PEAK1: variants seen among roughly 807,000 people sequenced by gnomAD.
PEAK1 encodes pseudopodium enriched atypical kinase 1.
PEAK1 carries 54 observed loss-of-function variants against 124.7 expected under a neutral mutation model. The ratio of observed to expected loss-of-function variants is 0.43; its 90% CI spans 0.35 to 0.54. PEAK1 has a LOEUF of 0.54. Among genes scored for constraint, PEAK1 ranks in the 20% least tolerant of loss-of-function variants. The pLI is 0.01. For missense variants in PEAK1, 2,046 were observed against 2,134.5 expected (o/e 0.96, Z 0.82); for synonymous variants, 719 against 760.0 (o/e 0.95, Z 0.89).
intron 9 of PEAK1, among the ~76,000 whole-genome samples, chr15:77,119,072 A>G (rs1182989204): frequency 1.2e-5 from 1 of 81,072 alleles, no homozygotes; most frequent in Non-Finnish European, 3.6e-5. Context: ...ATCTTCTTGT[A>G]AAATACACCA....
intron 2 of PEAK1, among the ~76,000 whole-genome samples, chr15:77,360,925 A>C (rs1188028149): frequency 3.9e-5 from 6 of 152,136 alleles, no homozygotes; most frequent in African/African-American, 1.2e-4. Context: ...AACCACTAGA[A>C]GAAGACATAG....
rs1448383173 is a variant in PEAK1, at chr15:77,109,862, T to C, written c.*4294A>G. 2.0e-5 allele frequency: 3 copies of C among 152,220 alleles called. No homozygotes were observed. The highest frequency in any genetic ancestry group is 7.2e-5 in the African/African-American group (3 of 41,446). 9.4% of individuals were successfully genotyped at this position (152,220 alleles called of 1,614,324 possible). A position where few individuals can be genotyped will look rare whatever the true frequency, so the allele number is the denominator to read the frequency against. On this transcript the variant is annotated 3_prime_UTR_variant, in exon 10 of 10. Coordinates refer to ENST00000682557, the MANE Select transcript of PEAK1 (RefSeq NM_001385026.1). ...CCCCTCTCCAAGAATGTTCATACTA[T>C]ATTTACACATCTAGAATCATTTGAA...
At chr15:77,278,920 C>A in intron 5 of PEAK1, 1 of 237,428 alleles carries the variant, frequency 4.2e-6, no homozygotes, top group Non-Finnish European at 8.2e-6. Flanking sequence ...GCAACCTCCG[C>A]CTCCTGGGTT....
intron 2 of PEAK1, among the ~76,000 whole-genome samples, chr15:77,326,411 C>T (rs2153025924): frequency 6.6e-6 from 1 of 152,164 alleles, no homozygotes; most frequent in East Asian, 1.9e-4. Flanking sequence ...TAAAATATCT[C>T]CAAAGAAACA....
chr15:77,237,063 A>G (rs546143842), intron 6 of PEAK1, among the ~76,000 whole-genome samples: 1 of 152,300 alleles, frequency 6.6e-6, no homozygotes, highest in South Asian at 2.1e-4. Flanking sequence ...TGGCTAGAAA[A>G]TAATTTTTTT....
intron 2 of PEAK1, among the ~76,000 whole-genome samples, chr15:77,327,785 G>GA (rs952398423): frequency 2.6e-5 from 4 of 151,328 alleles, no homozygotes; most frequent in Admixed American, 6.6e-5. Flanking sequence ...GTATAAGGGG[G>GA]AAAAAATGCA....
intron 6 of PEAK1, among the ~76,000 whole-genome samples, chr15:77,226,044 G>GATATATATT (rs2059630724): frequency 8.9e-5 from 4 of 44,988 alleles, no homozygotes; most frequent in Admixed American, 5.4e-4. Flanking sequence ...AAAATAAAGG[G>GATATATATT]ATATATATAT....
chr15:77,305,803 T>G (rs2064069143), intron 2 of PEAK1, among the ~76,000 whole-genome samples: 1 of 152,252 alleles, frequency 6.6e-6, no homozygotes. Flanking sequence ...ATACTTTAAA[T>G]CATCTCTGGA....
rs1253984652 is a variant in PEAK1, at chr15:77,162,236, G to C, written c.3138-3540C>G. Among the ~76,000 whole-genome samples, 14 of 152,140 alleles carry C rather than the reference G, an allele frequency of 9.2e-5. No homozygotes were observed. The East Asian group carries it at 2.5e-3, about 27-fold the overall frequency. ...AGGCTGGGTGCGGTGGCTCAAGCCT[G>C]TAATACCAGCACTTTGGGAGGCCGA... On this transcript the variant is annotated intron_variant, in intron 7 of 9. Transcript: ENST00000682557.
intron 1 of PEAK1, among the ~76,000 whole-genome samples, chr15:77,409,953 A>C (rs1283522136): frequency 6.6e-6 from 1 of 152,182 alleles, no homozygotes; most frequent in African/African-American, 2.4e-5. Flanking sequence ...GTAAATTCAA[A>C]TCCAGGCAGT....
chr15:77,232,349 G>A (rs1596754652), intron 6 of PEAK1, among the ~76,000 whole-genome samples: 1 of 151,948 alleles, frequency 6.6e-6, no homozygotes, highest in Non-Finnish European at 1.5e-5. Context: ...TGTGCCAACT[G>A]TGCTCACTTA....
chr15:77,162,389 G>C (rs907015396), intron 7 of PEAK1, among the ~76,000 whole-genome samples: 1 of 151,036 alleles, frequency 6.6e-6, no homozygotes, highest in African/African-American at 2.4e-5. Context: ...AGGTATCGGG[G>C]AGGCCGAGGC....
intron 5 of PEAK1, among the ~76,000 whole-genome samples, chr15:77,271,002 A>C (rs994150003): frequency 6.6e-6 from 1 of 152,170 alleles, no homozygotes; most frequent in African/African-American, 2.4e-5. Context: ...CAACCTACAG[A>C]ATGGGAGAAA....
At chr15:77,216,721 C>T (rs1229352244) in intron 6 of PEAK1, among the ~76,000 whole-genome samples, 1 of 152,114 alleles carries the variant, frequency 6.6e-6, no homozygotes, top group Admixed American at 6.5e-5. Flanking sequence ...TAGCCAATAC[C>T]ATAGACATCT....
intron 9 of PEAK1, among the ~76,000 whole-genome samples, chr15:77,132,618 C>G (rs2052965366): frequency 6.7e-6 from 1 of 150,258 alleles, no homozygotes; most frequent in South Asian, 2.1e-4. Context: ...TTGCTTGAAC[C>G]TGGGAGGCGG....
intron 1 of PEAK1, among the ~76,000 whole-genome samples, chr15:77,411,401 T>C (rs1567369978): frequency 6.6e-6 from 1 of 152,110 alleles, no homozygotes; most frequent in Non-Finnish European, 1.5e-5. Flanking sequence ...GACCTAATAA[T>C]GGAAAGGAAG....
chr15:77,178,094 T>C (rs2056995626), intron 7 of PEAK1: 1 of 152,214 alleles, frequency 6.6e-6, no homozygotes, highest in African/African-American at 2.4e-5. Context: ...GAATAGGTGA[T>C]CAATAAATAG....
chr15:77,105,297 G>A (rs1219594045), downstream of PEAK1: 1 of 153,004 alleles, frequency 6.5e-6, no homozygotes, highest in African/African-American at 2.4e-5. Context: ...AGCTCCCAGA[G>A]GGCAAGGGAG....
Position 77,114,542 on chromosome 15 carries a change from C to G in PEAK1, c.4855G>C (p.Glu1619Gln), listed in dbSNP as rs749388201. 14 of 1,613,994 alleles carry G rather than the reference C, an allele frequency of 8.7e-6. No homozygotes were observed. Among genetic ancestry groups the G allele is most frequent in the Non-Finnish European group, 1.1e-5 (13 of 1,180,022 alleles). ...FDENPELKEREYTRADLPRIP... is the reference protein window; with the variant it reads ...FDENPELKERQYTRADLPRIP... ...CGAGGCAGGTCTGCTCGTGTGTATT[C>G]CCTCTCCTTCAGCTCTGGGTTCTCA... The change falls in exon 10 of 10, where the codon GAA becomes CAA. Residue 1619 changes from glutamate (E) to glutamine (Q), a missense_variant. Physicochemically the swap from Glu to Gln is conservative, Grantham distance 29. Coordinates refer to ENST00000682557, the MANE Select transcript of PEAK1 (RefSeq NM_001385026.1).
Sources: allele counts gnomAD v4.1 joint callset (sites outside exome capture counted in the v4.1 genomes callset), GRCh38; gene constraint gnomAD v4.1.1; transcripts MANE v1.5; gene names NCBI Gene and HGNC (gene_info 2026-07-23, HGNC 2026-07-21).